GP6: variants seen among roughly 807,000 people sequenced by gnomAD.
The protein encoded by GP6 is glycoprotein VI platelet.
Under a neutral mutation model 37.3 loss-of-function variants are expected in GP6, and 45 were observed. The ratio of observed to expected loss-of-function variants is 1.21; its 90% CI spans 0.95 to 1.55. GP6 has a LOEUF of 1.55. GP6 is among the 40% of genes most tolerant of loss of function. GP6 has a pLI of 0.00. For synonymous variants in GP6, 340 were observed against 316.4 expected, an observed-to-expected ratio of 1.07 and a Z score of -0.79; for missense variants, 813 against 760.2, an observed-to-expected ratio of 1.07 and a Z score of -0.82.
rs1357661954 is a variant in GP6, at chr19:55,024,309, T to TGCACGCACACGCACACGCACGCACAC, written c.664+908_664+909insGTGTGCGTGCGTGTGCGTGTGCGTGC. Among the ~76,000 whole-genome samples, 95 of 130,054 alleles carry TGCACGCACACGCACACGCACGCACAC rather than the reference T, an allele frequency of 7.3e-4. 3 individuals carry two copies. The highest frequency in any genetic ancestry group is 3.6e-3 in the Middle Eastern group (1 of 276). The allele number at this position is 130,054 out of a possible 152,430, so 85.3% of individuals were successfully genotyped here. A position where few individuals can be genotyped will look rare whatever the true frequency, so the allele number is the denominator to read the frequency against. Reference sequence around the variant, plus strand: ...ACACATATGCACGCATGCACACACATATGCACGCACACACACATATGCACG... The same window carrying TGCACGCACACGCACACGCACGCACAC: ...ACACATATGCACGCATGCACACACATGCACGCACACGCACACGCACGCACACATGCACGCACACACACATATGCACG... On this transcript the variant is annotated intron_variant, in intron 5 of 7. Transcript: ENST00000310373.
chr19:55,030,752 C>T (rs10401802), intron 3 of GP6, among the ~76,000 whole-genome samples: 7,448 of 152,098 alleles, frequency 0.049, 200 homozygotes, highest in South Asian at 0.065. Context: ...GGGCCCTGGA[C>T]GGGGTCTGGG....
chr19:55,032,370 C>G lies in GP6; in HGVS notation c.94G>C (p.Ala32Pro), dbSNP rs2074595775. 2 of 1,613,600 alleles carry G rather than the reference C, an allele frequency of 1.2e-6. No homozygotes were observed. The change falls in exon 3 of 8, where the codon GCT becomes CCT. Residue 32 changes from alanine (A) to proline (P), a missense_variant. Transcript: ENST00000310373. ...AGGGGCACCAGGGAGCTGGGCAGAG[C>G]CTGGAGGGAGGGCTTGGGGAGCGGT...
At chr19:55,015,418 G>A (rs1441131677) in intron 7 of GP6, among the ~76,000 whole-genome samples, 2 of 152,156 alleles carry the variant, frequency 1.3e-5, no homozygotes, top group African/African-American at 2.4e-5. Flanking sequence ...ATGCTGCCTC[G>A]TTATCTGATG....
At chr19:55,021,050 TA>T (rs60477411) in intron 5 of GP6, among the ~76,000 whole-genome samples, 33,100 of 107,184 alleles carry the variant, frequency 0.31, 5,523 homozygotes, top group African/African-American at 0.46. Context: ...AGACTCTGTT[TA>T]AAAAAAAAAA....
At chr19:55,022,999 G>C (rs1311375946) in intron 5 of GP6, among the ~76,000 whole-genome samples, 1 of 152,002 alleles carries the variant, frequency 6.6e-6, no homozygotes, top group Non-Finnish European at 1.5e-5. Context: ...CACACAATTA[G>C]AAAAAACTAT....
intron 3 of GP6, among the ~76,000 whole-genome samples, chr19:55,031,231 T>C (rs1006851623): frequency 6.6e-6 from 1 of 152,220 alleles, no homozygotes; most frequent in Non-Finnish European, 1.5e-5. Flanking sequence ...ATATTATCTT[T>C]GGAACTTTTC....
rs984274869 is a variant in GP6, at chr19:55,030,634, C to T, written c.325+1505G>A. Among the ~76,000 whole-genome samples the T allele has an allele frequency of 3.6e-4, 55 of 151,470 alleles. 1 individual carries two copies. In the East Asian group the frequency reaches 9.6e-3, roughly 26 times the overall value. ...CTGGGATTACAGGCGTGAGCCGCCG[C>T]GCCCGGCCCAACCTCTTCTCTTAAA... is the stretch of plus-strand genomic sequence containing the variant. On this transcript the variant is annotated intron_variant, in intron 3 of 7. Transcript: ENST00000310373.
chr19:55,038,263 G>A lies in GP6; in HGVS notation c.-27C>T, dbSNP rs187629313. 6.4e-7 allele frequency: 1 copy of A among 1,573,224 alleles called. No individual in the cohort carries two copies. The highest frequency in any genetic ancestry group is 8.6e-7 in the Non-Finnish European group (1 of 1,156,172). On this transcript the variant is annotated 5_prime_UTR_variant, in exon 1 of 8. Transcript: ENST00000310373. The stretch of plus-strand genomic sequence containing the variant: ...GTTCCTCAGCCCTGTCCTGAGCTCT[G>A]TGGCCAGGGAGGGAAGTGGTGGGAG...
chr19:55,014,784 G>A lies in GP6; in HGVS notation c.1161C>T (p.Ser387=), dbSNP rs780055487. The change falls in exon 8 of 8, where the codon TCC becomes TCT. Residue 387 remains serine (S), a synonymous_variant. Transcript: ENST00000310373. ...CGAACGGCTCCCTGATGGAACACCA[G>A]GAGGAGGCAGCATGGCCTCGTTTCC... 1 of 1,613,806 alleles carries A rather than the reference G, an allele frequency of 6.2e-7. No homozygotes were observed. The highest frequency in any genetic ancestry group is 1.7e-5 in the Admixed American group (1 of 59,918).
chr19:55,028,513 A>C (rs977953849), intron 3 of GP6, among the ~76,000 whole-genome samples: 1 of 152,204 alleles, frequency 6.6e-6, no homozygotes, highest in Non-Finnish European at 1.5e-5. Context: ...CTCACACACA[A>C]AAAAGTTAAC....
At chr19:55,032,847 G>A (rs1405295016) in intron 1 of GP6, 2 of 534,816 alleles carry the variant, frequency 3.7e-6, no homozygotes, top group East Asian at 3.2e-5. Context: ...CTGTGGACTT[G>A]TTCGTGTTAG....
chr19:55,022,999 G>GA (rs71121828), intron 5 of GP6, among the ~76,000 whole-genome samples: 4 of 152,002 alleles, frequency 2.6e-5, no homozygotes, highest in African/African-American at 7.3e-5. Context: ...CACACAATTA[G>GA]AAAAAACTAT....
intron 5 of GP6, among the ~76,000 whole-genome samples, chr19:55,019,760 C>T (rs2074009839): frequency 6.7e-6 from 1 of 149,198 alleles, no homozygotes; most frequent in African/African-American, 2.5e-5. Flanking sequence ...TCACTGCAAG[C>T]TCTGCCTCCC....
At chr19:55,021,854 G>C (rs1262899330) in intron 5 of GP6, among the ~76,000 whole-genome samples, 2 of 152,288 alleles carry the variant, frequency 1.3e-5, no homozygotes, top group South Asian at 4.1e-4. Flanking sequence ...ATTTTGACTG[G>C]TGTGAGATGG....
At chr19:55,028,663 T>A (rs1222690245) in intron 3 of GP6, among the ~76,000 whole-genome samples, 1 of 152,230 alleles carries the variant, frequency 6.6e-6, no homozygotes, top group Non-Finnish European at 1.5e-5. Flanking sequence ...CTGGACATAT[T>A]TTAATTTAAA....
chr19:55,024,253 C>A (rs1318785737), intron 5 of GP6, among the ~76,000 whole-genome samples: 1 of 146,666 alleles, frequency 6.8e-6, no homozygotes, highest in Non-Finnish European at 1.5e-5. Flanking sequence ...CAGTCAGAAG[C>A]ACACGCACAC....
In GP6 at chr19:55,014,978, T is replaced by A. The variant is rs757950138; in HGVS notation, c.967A>T (p.Lys323Ter). The change falls in exon 8 of 8, where the codon AAA becomes TAA. Residue 323 changes from lysine to a stop codon, truncating the protein, a stop_gained. Coordinates refer to ENST00000310373, the MANE Select transcript of GP6 (RefSeq NM_001083899.2). LOFTEE classifies it low-confidence loss of function (END_TRUNC). ...GTCGGCCTCCATCCTGACCCCCGTTTGATTTCCGGGTCAGCGGGAGGGGCG... is the reference window on the plus strand; with the variant it reads ...GTCGGCCTCCATCCTGACCCCCGTTAGATTTCCGGGTCAGCGGGAGGGGCG... The A allele has an allele frequency of 7.0e-5, 113 of 1,613,404 alleles. 1 individual carries two copies. In the Admixed American group the frequency reaches 1.9e-3, roughly 26 times the overall value.
Position 55,038,249 on chromosome 19 carries a change from C to T in GP6, c.-13G>A, listed in dbSNP as rs777366918. On this transcript the variant is annotated 5_prime_UTR_variant, in exon 1 of 8. Coordinates refer to ENST00000310373, the MANE Select transcript of GP6 (RefSeq NM_001083899.2). ...GGGATGGAGACATGGTTCCTCAGCC[C>T]TGTCCTGAGCTCTGTGGCCAGGGAG... 1.3e-6 allele frequency: 2 copies of T among 1,581,846 alleles called. No homozygotes were observed. Among genetic ancestry groups the T allele is most frequent in the Non-Finnish European group, 8.6e-7 (1 of 1,162,412 alleles).
rs2073824883 is a variant in GP6, at chr19:55,015,175, T to A, written c.780-10A>T. 2 of 1,553,658 alleles carry A rather than the reference T, an allele frequency of 1.3e-6. No individual in the cohort carries two copies. Among genetic ancestry groups the A allele is most frequent in the South Asian group, 1.2e-5 (1 of 84,244 alleles). On this transcript the variant is annotated splice_polypyrimidine_tract_variant and intron_variant, in intron 7 of 7. Transcript: ENST00000310373. ...TACTGGCGGGCAGGACCTGGAGGAA[T>A]GAGGAGAGGCAGGAGCAGGTGAAAG...
Sources: gnomAD v4.1 joint callset for allele counts (sites outside exome capture counted in the v4.1 genomes callset) on GRCh38, gnomAD v4.1.1 for gene constraint, MANE v1.5 for transcripts, NCBI Gene and HGNC (gene_info 2026-07-23, HGNC 2026-07-21) for gene names.